The following ITFG2 variants were observed in gnomAD, a reference collection of about 807,000 sequenced individuals.
ITFG2 encodes KICSTOR complex protein ITFG2.
Under a neutral mutation model 54.4 loss-of-function variants are expected in ITFG2, and 36 were observed. The ratio of observed to expected loss-of-function variants is 0.66; its 90% confidence interval spans 0.51 to 0.87. ITFG2 has a LOEUF of 0.87. ITFG2 is among the 40% of genes least tolerant of loss of function. The pLI, the probability that ITFG2 is intolerant of heterozygous loss-of-function variation, is 0.00. For synonymous variants in ITFG2, 211 were observed against 225.4 expected (o/e 0.94, Z 0.57); for missense variants, 524 against 576.7 (o/e 0.91, Z 0.94).
exon 3 of ITFG2, chr12:2,830,889 G>T: frequency 6.2e-7 from 1 of 1,605,680 alleles, no homozygotes. Context: ...AATGAAGGTA[G>T]GCAGTTCTAA....
rs554535016 is a variant in ITFG2 at position 2,824,232 on chromosome 12, C to A, written c.*39C>A. The A allele has an allele frequency of 1.9e-6, 3 of 1,575,520 alleles. No individual in the cohort carries two copies. The highest frequency in any genetic ancestry group is 1.7e-5 in the Admixed American group (1 of 59,938). On this transcript the variant is annotated 3_prime_UTR_variant, in exon 12 of 12. Transcript: ENST00000228799. ...ATAGCTGGTGAAGGATTCTTCTGAA[C>A]CCCCACCCTACCCCCTAAAGGTATC...
chr12:2,854,850 T>G, intron 2 of ITFG2: 1 of 1,487,746 alleles, frequency 6.7e-7, no homozygotes, highest in South Asian at 1.3e-5. Flanking sequence ...AGGGGTCACC[T>G]GGGCAGGGCA....
chr12:2,812,878 G>A (rs1251245684), intron 1 of ITFG2, 22 bp downstream of exon 1: 1 of 1,589,932 alleles, frequency 6.3e-7, no homozygotes, highest in Non-Finnish European at 8.6e-7. Flanking sequence ...CGCACCGCAA[G>A]AGACAGCCTG....
Position 2,817,306 on chromosome 12 carries a change from C to G in ITFG2, c.180C>G (p.Ser60=). 6.2e-7 allele frequency: 1 copy of G among 1,612,878 alleles called. No individual in the cohort carries two copies. Residue 60 remains serine (S), a synonymous_variant, in exon 2 of 12, where the codon TCC becomes TCG. Transcript: ENST00000228799. ...NDDSRPWLTC[S]CQGMLTCVGV... ...ACAGTCGGCCATGGCTCACCTGTTC[C>G]TGCCAGGGAATGGTCAGTATTCACT...
At chr12:2,856,615 G>A (rs934746099) in intron 2 of ITFG2, among the ~76,000 whole-genome samples, 1 of 152,140 alleles carries the variant, frequency 6.6e-6, no homozygotes, top group African/African-American at 2.4e-5. Flanking sequence ...CGTTCCCCTC[G>A]ACCTCCCGAA....
intron 2 of ITFG2, chr12:2,856,962 A>G: frequency 1.4e-6 from 1 of 703,040 alleles, no homozygotes; most frequent in East Asian, 2.7e-5. Flanking sequence ...TACCTGCAGG[A>G]AAGGTTCTTC....
chr12:2,814,383 G>A (rs11062367), intron 1 of ITFG2, among the ~76,000 whole-genome samples: 24,399 of 151,132 alleles, frequency 0.16, 2,140 homozygotes, highest in South Asian at 0.35. Flanking sequence ...GTACTTATCT[G>A]AAAGAATTAC....
At chr12:2,841,251 A>G (rs2153927151) in intron 2 of ITFG2, among the ~76,000 whole-genome samples, 1 of 152,344 alleles carries the variant, frequency 6.6e-6, no homozygotes, top group Non-Finnish European at 1.5e-5. Flanking sequence ...CATAGTGCCC[A>G]TCCCACTGAA....
At chr12:2,826,051 A>G (rs2097964999), downstream of ITFG2, 1 of 152,294 alleles carries the variant, frequency 6.6e-6, no homozygotes, top group South Asian at 2.1e-4. Context: ...GGCATGAGCC[A>G]TTGCGCCTGG....
chr12:2,836,606 C>T (rs930385260), upstream of ITFG2: 2 of 152,236 alleles, frequency 1.3e-5, no homozygotes, highest in Admixed American at 1.3e-4. Context: ...TTGTTTCCTT[C>T]ACCCCCCAAA....
chr12:2,828,347 C>A (rs754464202), downstream of ITFG2: 8 of 1,614,160 alleles, frequency 5.0e-6, no homozygotes, highest in Non-Finnish European at 1.7e-6. Flanking sequence ...GCGGCTGAGA[C>A]ATCCAGCAGA....
intron 2 of ITFG2, chr12:2,857,104 C>T: frequency 1.4e-6 from 1 of 702,446 alleles, no homozygotes; most frequent in Admixed American, 2.0e-5. Context: ...CCTGGGGTTG[C>T]TATGGTGATG....
intron 1 of ITFG2, 77 bp from the exon 2 acceptor site, chr12:2,817,146 G>A: frequency 1.1e-6 from 1 of 900,410 alleles, no homozygotes; most frequent in Non-Finnish European, 1.8e-6. Context: ...ATTACCCTTG[G>A]CTAGGCTAAG....
chr12:2,823,688 C>T (rs1288841561), intron 10 of ITFG2, 82 bp from the exon 11 acceptor site: 5 of 1,455,494 alleles, frequency 3.4e-6, no homozygotes, highest in African/African-American at 1.4e-5. Flanking sequence ...AGTGCTGACT[C>T]GGAGGTCTGT....
rs77125698 is a variant in ITFG2 at position 2,823,220 on chromosome 12, A to G, written c.1066+309A>G. On this transcript the variant is annotated intron_variant, in intron 10 of 11. Coordinates refer to ENST00000228799, the MANE Select transcript of ITFG2 (RefSeq NM_018463.4). Reference sequence around the variant, plus strand: ...ATCTCCACCCCGAATATTTTAAAGAATGGAATGAGTTTCTGTCATCTGTCT... The same window carrying G: ...ATCTCCACCCCGAATATTTTAAAGAGTGGAATGAGTTTCTGTCATCTGTCT... Among the ~76,000 whole-genome samples the G allele has an allele frequency of 5.2e-5, 8 of 152,384 alleles. No homozygotes were observed. The East Asian group carries it at 1.5e-3, about 29-fold the overall frequency.
chr12:2,843,449 A>C (rs2098046144), intron 2 of ITFG2, among the ~76,000 whole-genome samples: 1 of 152,216 alleles, frequency 6.6e-6, no homozygotes, highest in East Asian at 1.9e-4. Flanking sequence ...CGAAGAGGTC[A>C]AGTGCTTTGG....
At chr12:2,858,827 C>T in intron 3 of ITFG2, 1 of 1,614,152 alleles carries the variant, frequency 6.2e-7, no homozygotes, top group Non-Finnish European at 8.5e-7. Context: ...GGGAGCCTGG[C>T]TTGGGGACGT....
chr12:2,823,514 A>G (rs2097952822), intron 10 of ITFG2, among the ~76,000 whole-genome samples: 1 of 152,222 alleles, frequency 6.6e-6, no homozygotes, highest in African/African-American at 2.4e-5. Flanking sequence ...GGGAAAAGCA[A>G]TAAATAGCAC....
intron 4 of ITFG2, 78 bp downstream of exon 4, chr12:2,818,355 TGA>T: frequency 6.3e-7 from 1 of 1,586,414 alleles, no homozygotes; most frequent in Non-Finnish European, 8.5e-7. Context: ...GGGATTGGGG[TGA>T]GAGGGAGAAT....
Sources: gnomAD v4.1 joint callset for allele counts (sites outside exome capture counted in the v4.1 genomes callset) on GRCh38, gnomAD v4.1.1 for gene constraint, MANE v1.5 for transcripts, NCBI Gene and HGNC (gene_info 2026-07-23, HGNC 2026-07-21) for gene names.